The following IFT57 variants were observed in gnomAD, a reference collection of about 807,000 sequenced individuals.
IFT57 encodes the protein intraflagellar transport protein 57 homolog.
IFT57 carries 59 observed loss-of-function variants against 56.8 expected under a neutral mutation model. The observed-to-expected ratio is 1.04, with a 90% CI of 0.84 to 1.29. The LOEUF is 1.29. Among genes scored for constraint, IFT57 ranks in the 50% most tolerant of loss-of-function variants. The pLI is 0.00. For synonymous variants in IFT57, 209 were observed against 186.1 expected, an observed-to-expected ratio of 1.12 and a Z score of -1.00; for missense variants, 470 against 522.1, an observed-to-expected ratio of 0.90 and a Z score of 0.97.
intron 5 of IFT57, among the ~76,000 whole-genome samples, chr3:108,206,303 G>A (rs1012093643): frequency 1.3e-5 from 2 of 150,702 alleles, no homozygotes; most frequent in Non-Finnish European, 3.0e-5. Context: ...TTAAATCTTG[G>A]CCTATTAAAA....
intron 5 of IFT57, among the ~76,000 whole-genome samples, chr3:108,192,199 G>GATA (rs2080219645): frequency 7.2e-6 from 1 of 139,274 alleles, no homozygotes; most frequent in Non-Finnish European, 1.6e-5. Context: ...AAAAAAAAGG[G>GATA]AAACACTTAA....
intron 5 of IFT57, among the ~76,000 whole-genome samples, chr3:108,196,524 T>TA (rs1383527649): frequency 6.6e-6 from 1 of 152,196 alleles, no homozygotes; most frequent in Non-Finnish European, 1.5e-5. Context: ...TGCATTAAGA[T>TA]ATGCCACTGC....
chr3:108,210,629 G>C (rs1319679174), intron 4 of IFT57, among the ~76,000 whole-genome samples: 1 of 151,842 alleles, frequency 6.6e-6, no homozygotes, highest in East Asian at 1.9e-4. Context: ...CACCACACCT[G>C]GCCAACCTTT....
intron 6 of IFT57, among the ~76,000 whole-genome samples, chr3:108,179,896 A>G (rs1443814699): frequency 6.4e-4 from 4 of 6,270 alleles, no homozygotes; most frequent in African/African-American, 1.5e-3. Context: ...AGAACTACAC[A>G]TATTACTTTA....
intron 5 of IFT57, among the ~76,000 whole-genome samples, chr3:108,198,595 C>T (rs189178833): frequency 6.6e-6 from 1 of 152,102 alleles, no homozygotes; most frequent in Non-Finnish European, 1.5e-5. Context: ...GCATGCACCA[C>T]CATGCCTGGC....
chr3:108,197,571 C>A (rs2080250511), intron 5 of IFT57, among the ~76,000 whole-genome samples: 2 of 152,120 alleles, frequency 1.3e-5, no homozygotes, highest in African/African-American at 4.8e-5. Flanking sequence ...CAAAGAAAGG[C>A]TATGTTCTGT....
intron 4 of IFT57, among the ~76,000 whole-genome samples, chr3:108,210,156 G>A (rs1286771237): frequency 6.6e-6 from 1 of 151,864 alleles, no homozygotes; most frequent in Non-Finnish European, 1.5e-5. Flanking sequence ...TCTTAATTCT[G>A]ACTGCCAATT....
chr3:108,215,514 G>A (rs62267921), intron 3 of IFT57, among the ~76,000 whole-genome samples: 13,902 of 152,120 alleles, frequency 0.091, 697 homozygotes, highest in Middle Eastern at 0.12. Context: ...CTCCAGCCTG[G>A]GCGACAGAGT....
chr3:108,180,238 T>A (rs2080144799), intron 6 of IFT57, among the ~76,000 whole-genome samples: 1 of 151,988 alleles, frequency 6.6e-6, no homozygotes, highest in South Asian at 2.1e-4. Context: ...ATATGTTGAC[T>A]CAGACCTATT....
Position 108,195,360 on chromosome 3 carries a change from T to C in IFT57, c.655-3717A>G, listed in dbSNP as rs547841670. 2.4e-4 allele frequency among the ~76,000 whole-genome samples: 30 copies of C among 126,284 alleles called. No individual in the cohort carries two copies. In the South Asian group the frequency reaches 8.6e-3, roughly 36 times the overall value. 82.8% of individuals were successfully genotyped at this position (126,284 alleles called of 152,430 possible). On this transcript the variant is annotated intron_variant, in intron 5 of 10. Transcript: ENST00000264538. ...AAGGATATGGAGAAAGGGGAACACT[T>C]GTATAGTGTTGGTGGGAAAGTAAAT... is the stretch of plus-strand genomic sequence containing the variant.
At chr3:108,199,690 C>T (rs1031610765) in intron 5 of IFT57, among the ~76,000 whole-genome samples, 1 of 152,220 alleles carries the variant, frequency 6.6e-6, no homozygotes, top group African/African-American at 2.4e-5. Flanking sequence ...CTATGTTCCA[C>T]ATACTGTTAC....
At chr3:108,200,431 A>T (rs960119469) in intron 5 of IFT57, among the ~76,000 whole-genome samples, 2 of 152,114 alleles carry the variant, frequency 1.3e-5, no homozygotes, top group African/African-American at 4.8e-5. Context: ...AAGCACTAAC[A>T]TTGCCAGGGG....
At chr3:108,166,553 A>G (rs932580517) in intron 8 of IFT57, among the ~76,000 whole-genome samples, 1 of 152,060 alleles carries the variant, frequency 6.6e-6, no homozygotes, top group Non-Finnish European at 1.5e-5. Flanking sequence ...ATAGAAGCAA[A>G]ACCAGGTGTC....
chr3:108,188,152 G>T (rs575606418), intron 6 of IFT57, among the ~76,000 whole-genome samples: 121 of 151,904 alleles, frequency 8.0e-4, no homozygotes, highest in African/African-American at 2.7e-3. Flanking sequence ...GTGTCTATTT[G>T]ATTTTGATAG....
At chr3:108,167,977 G>T in intron 6 of IFT57, 113 bp from the exon 7 acceptor site, 1 of 605,632 alleles carries the variant, frequency 1.7e-6, no homozygotes, top group Non-Finnish European at 2.7e-6. Flanking sequence ...TATTTCAGGT[G>T]GGATAGCCCT....
At position 108,222,268 on chromosome 3, in the gene IFT57, T is replaced by G; in HGVS notation, c.55A>C (p.Arg19=). ...TCCCCGGTCCCTTCGCCACGGGACC[T>G]AGGCACCCCATCTTCCAAACCCGAC... ...TTSGLEDGVP[R]SRGEGTGEVV... is the part of the protein sequence containing the mutation. Residue 19 remains arginine (R), a synonymous_variant, in exon 1 of 11, where the codon AGG becomes CGG. Transcript: ENST00000264538. 1 of 1,613,926 alleles carries G rather than the reference T, an allele frequency of 6.2e-7. No homozygotes were observed. Among genetic ancestry groups the G allele is most frequent in the Non-Finnish European group, 8.5e-7 (1 of 1,179,988 alleles).
chr3:108,169,331 A>C (rs1393882305), intron 6 of IFT57, among the ~76,000 whole-genome samples: 1 of 150,828 alleles, frequency 6.6e-6, no homozygotes, highest in African/African-American at 2.4e-5. Context: ...CCACTTTTTG[A>C]TGGGTTTTTT....
chr3:108,202,154 T>C (rs979368610), intron 5 of IFT57, among the ~76,000 whole-genome samples: 6 of 152,114 alleles, frequency 3.9e-5, no homozygotes, highest in African/African-American at 9.7e-5. Flanking sequence ...ATTCAGAGAG[T>C]GCACAGCTCC....
intron 3 of IFT57, 60 bp from the exon 4 acceptor site, chr3:108,214,081 C>A: frequency 1.0e-6 from 1 of 1,003,074 alleles, no homozygotes; most frequent in South Asian, 1.5e-5. Flanking sequence ...ACAAAAAAAT[C>A]ATAATGCAAA....
Sources: gnomAD v4.1 joint callset for allele counts (sites outside exome capture counted in the v4.1 genomes callset) on GRCh38, gnomAD v4.1.1 for gene constraint, MANE v1.5 for transcripts, NCBI Gene and HGNC (gene_info 2026-07-23, HGNC 2026-07-21) for gene names.